NEGR1: variants seen among roughly 807,000 people sequenced by gnomAD.
The protein encoded by NEGR1 is neuronal growth regulator 1.
NEGR1 carries 10 observed loss-of-function variants against 40.9 expected under a neutral mutation model. That is an observed-to-expected ratio of 0.24 (90% CI 0.15 to 0.42). The LOEUF (loss-of-function observed/expected upper bound fraction) is 0.42, where lower values mean the gene tolerates loss of function less well. NEGR1 is among the 10% of genes least tolerant of loss of function. The pLI is 1.00. For synonymous variants in NEGR1, 185 were observed against 166.8 expected, an observed-to-expected ratio of 1.11 and a Z score of -0.84; for missense variants, 352 against 438.9, an observed-to-expected ratio of 0.80 and a Z score of 1.77.
chr1:71,753,780 C>T (rs1655644402), intron 3 of NEGR1, among the ~76,000 whole-genome samples: 2 of 152,158 alleles, frequency 1.3e-5, no homozygotes, highest in African/African-American at 4.8e-5. Flanking sequence ...GCGAATCCAA[C>T]ATATGCTCTG....
At chr1:72,198,708 G>T (rs1332306918) in intron 1 of NEGR1, among the ~76,000 whole-genome samples, 1 of 151,864 alleles carries the variant, frequency 6.6e-6, no homozygotes, top group Non-Finnish European at 1.5e-5. Context: ...CATTCCAGTA[G>T]AGAAAATAAT....
chr1:71,990,775 T>G (rs959454485), intron 1 of NEGR1, among the ~76,000 whole-genome samples: 2 of 152,038 alleles, frequency 1.3e-5, no homozygotes, highest in African/African-American at 4.8e-5. Context: ...TCATCAAAAC[T>G]TTACTTAGTC....
At chr1:72,125,005 T>C (rs1649956264) in intron 1 of NEGR1, among the ~76,000 whole-genome samples, 1 of 152,138 alleles carries the variant, frequency 6.6e-6, no homozygotes, top group South Asian at 2.1e-4. Context: ...AGTCAAAAGT[T>C]ACTCTAACTT....
intron 1 of NEGR1, among the ~76,000 whole-genome samples, chr1:72,042,018 T>A (rs2100458753): frequency 1.4e-5 from 2 of 146,774 alleles, no homozygotes; most frequent in Middle Eastern, 3.6e-3. Flanking sequence ...TACATTTGAT[T>A]AAATACAGAA....
chr1:71,770,128 C>T (rs561473587), intron 3 of NEGR1, among the ~76,000 whole-genome samples: 1 of 152,226 alleles, frequency 6.6e-6, no homozygotes, highest in Admixed American at 6.5e-5. Flanking sequence ...TTGAAAAAAC[C>T]TTGAAAAATT....
chr1:71,950,224 G>A lies in NEGR1; in HGVS notation c.177-14913C>T, dbSNP rs544840277. On this transcript the variant is annotated intron_variant, in intron 1 of 6. Coordinates refer to ENST00000357731, the MANE Select transcript of NEGR1 (RefSeq NM_173808.3). The stretch of plus-strand genomic sequence containing the variant: ...GTGGCAGTAACTCCTTCATTTCTTA[G>A]CAAGATACATATTTGTCATTCATTG... Among the ~76,000 whole-genome samples, 12 of 151,908 alleles carry A rather than the reference G, an allele frequency of 7.9e-5. No individual in the cohort carries two copies. In the South Asian group the frequency reaches 2.5e-3, roughly 32 times the overall value.
intron 3 of NEGR1, among the ~76,000 whole-genome samples, chr1:71,740,954 T>C (rs142899872): frequency 1.9e-3 from 294 of 152,306 alleles, no homozygotes; most frequent in Non-Finnish European, 3.5e-3. Context: ...TCAGTGTGAC[T>C]CTGTGGAGTG....
intron 2 of NEGR1, among the ~76,000 whole-genome samples, chr1:71,804,593 A>G (rs1037339022): frequency 2.6e-5 from 4 of 152,152 alleles, no homozygotes; most frequent in Non-Finnish European, 5.9e-5. Context: ...CTTTACTGCA[A>G]TCTCTGAACA....
intron 2 of NEGR1, among the ~76,000 whole-genome samples, chr1:71,833,714 T>A (rs1470544954): frequency 6.6e-6 from 1 of 152,000 alleles, no homozygotes; most frequent in Non-Finnish European, 1.5e-5. Context: ...GCACCAAATT[T>A]ATATTGTGTT....
chr1:71,956,857 G>C (rs1207931935), intron 1 of NEGR1, among the ~76,000 whole-genome samples: 2 of 152,174 alleles, frequency 1.3e-5, no homozygotes, highest in African/African-American at 4.8e-5. Context: ...TCCAGACATA[G>C]TGTCTGTAGA....
intron 6 of NEGR1, among the ~76,000 whole-genome samples, chr1:71,436,997 C>G (rs1646514157): frequency 6.6e-6 from 1 of 151,954 alleles, no homozygotes; most frequent in African/African-American, 2.4e-5. Context: ...TCATGTTGTT[C>G]AAGTGCCAAT....
chr1:71,999,759 T>G (rs1340311191), intron 1 of NEGR1, among the ~76,000 whole-genome samples: 3 of 148,144 alleles, frequency 2.0e-5, no homozygotes, highest in Non-Finnish European at 1.5e-5. Context: ...TACATTTTAC[T>G]TTGTTTACAT....
intron 1 of NEGR1, among the ~76,000 whole-genome samples, chr1:72,270,942 T>G (rs13375934): frequency 0.098 from 14,938 of 151,900 alleles, 2,489 homozygotes; most frequent in African/African-American, 0.34. Context: ...CAGCATAAAA[T>G]TATTAGTTAA....
intron 6 of NEGR1, among the ~76,000 whole-genome samples, chr1:71,499,757 T>C (rs1177824337): frequency 6.6e-6 from 1 of 151,956 alleles, no homozygotes; most frequent in Non-Finnish European, 1.5e-5. Context: ...ATGAAATCTG[T>C]CATTCCTGAT....
intron 6 of NEGR1, among the ~76,000 whole-genome samples, chr1:71,575,666 T>C (rs1189309441): frequency 6.6e-6 from 1 of 151,906 alleles, no homozygotes; most frequent in African/African-American, 2.4e-5. Context: ...GCCTGTAGTC[T>C]CAGCTACTCG....
At chr1:71,413,612 C>T (rs1040991006) in intron 6 of NEGR1, among the ~76,000 whole-genome samples, 10 of 152,038 alleles carry the variant, frequency 6.6e-5, no homozygotes, top group Non-Finnish European at 1.3e-4. Flanking sequence ...CTTTTCTTCT[C>T]TTTTGCCAAA....
intron 6 of NEGR1, 128 bp downstream of exon 6, chr1:71,592,689 T>C (rs2101521055): frequency 1.5e-6 from 1 of 651,808 alleles, no homozygotes; most frequent in East Asian, 2.5e-5. Context: ...GATTGCGTGA[T>C]GTATAAGGAA....
chr1:71,694,961 T>A (rs1653427807), intron 4 of NEGR1, among the ~76,000 whole-genome samples: 1 of 151,796 alleles, frequency 6.6e-6, no homozygotes, highest in Non-Finnish European at 1.5e-5. Context: ...TATCAGGGGA[T>A]GTGCAAGTCC....
chr1:71,746,634 C>A (rs1012012173), intron 3 of NEGR1, among the ~76,000 whole-genome samples: 16 of 151,766 alleles, frequency 1.1e-4, no homozygotes, highest in Non-Finnish European at 2.1e-4. Context: ...TTCCTCAATG[C>A]ATCTTCTTTT....
Sources: gnomAD v4.1 joint callset for allele counts (sites outside exome capture counted in the v4.1 genomes callset) on GRCh38, gnomAD v4.1.1 for gene constraint, MANE v1.5 for transcripts, NCBI Gene and HGNC (gene_info 2026-07-23, HGNC 2026-07-21) for gene names.